The following SH2D4A variants were observed in gnomAD, a reference collection of about 807,000 sequenced individuals.
SH2D4A encodes the protein SH2 domain containing 4A, also known as SH2 domain-containing protein 4A.
SH2D4A carries 70 observed loss-of-function variants against 64.7 expected under a neutral mutation model. The ratio of observed to expected loss-of-function variants is 1.08; its 90% CI spans 0.89 to 1.32. The LOEUF (loss-of-function observed/expected upper bound fraction) is 1.32, where lower values mean the gene tolerates loss of function less well. Ranked by LOEUF, SH2D4A falls within the 40% of genes most tolerant of loss-of-function variation. The pLI is 0.00. For missense variants in SH2D4A, 706 were observed against 540.1 expected (o/e 1.31, Z -3.04); for synonymous variants, 268 against 200.7 (o/e 1.34, Z -2.83).
chr8:19,357,103 C>T (rs368120799), intron 4 of SH2D4A, 100 bp from the exon 5 acceptor site: 127 of 904,990 alleles, frequency 1.4e-4, no homozygotes, highest in South Asian at 8.5e-4. Context: ...TCTGTAGGGG[C>T]GGGGGCAGCA....
intron 1 of SH2D4A, among the ~76,000 whole-genome samples, chr8:19,315,929 G>A (rs79903815): frequency 3.9e-5 from 6 of 152,154 alleles, no homozygotes; most frequent in Admixed American, 2.0e-4. Context: ...ACCAGTCCTC[G>A]TTTCACAGAT....
intron 8 of SH2D4A, among the ~76,000 whole-genome samples, chr8:19,385,527 A>G (rs2053374215): frequency 6.6e-6 from 1 of 152,004 alleles, no homozygotes; most frequent in South Asian, 2.1e-4. Context: ...GATTTCTTCC[A>G]TTTTTTGATA....
chr8:19,358,252 C>T (rs772447804), intron 5 of SH2D4A, among the ~76,000 whole-genome samples: 25 of 152,178 alleles, frequency 1.6e-4, no homozygotes, highest in Non-Finnish European at 3.1e-4. Flanking sequence ...GTGTCTACTA[C>T]ACACTAGGCA....
chr8:19,326,420 C>T (rs1043826548), intron 2 of SH2D4A, among the ~76,000 whole-genome samples: 13 of 152,160 alleles, frequency 8.5e-5, no homozygotes, highest in African/African-American at 2.7e-4. Flanking sequence ...GGGAGTCTGC[C>T]AGCATGGTAA....
At chr8:19,385,216 T>G (rs1444611008) in intron 8 of SH2D4A, among the ~76,000 whole-genome samples, 8 of 150,960 alleles carry the variant, frequency 5.3e-5, no homozygotes, top group Non-Finnish European at 1.2e-4. Flanking sequence ...TTTTTTTGTT[T>G]TTTTTTTTTT....
At position 19,357,258 on chromosome 8, in the gene SH2D4A, GTATGAAGGCA is replaced by G. The variant is rs1563199528; in HGVS notation, c.574_583del (p.Lys192HisfsTer9). The G allele has an allele frequency of 6.2e-7, 1 of 1,613,794 alleles. No homozygotes were observed. Among genetic ancestry groups the G allele is most frequent in the South Asian group, 1.1e-5 (1 of 91,062 alleles). ...CAAATGTTGGCAGATTCAATCAATC[GTATGAAGGCA>G]TATGCATTTCACCAGGTAAAAGACT... On this transcript the variant is annotated frameshift_variant, in exon 5 of 10. Coordinates refer to ENST00000265807, the MANE Select transcript of SH2D4A (RefSeq NM_022071.4). LOFTEE classifies it high-confidence loss of function.
At chr8:19,347,881 A>G (rs2052636782) in intron 4 of SH2D4A, among the ~76,000 whole-genome samples, 1 of 152,172 alleles carries the variant, frequency 6.6e-6, no homozygotes, top group Admixed American at 6.5e-5. Flanking sequence ...CTCCACCTCC[A>G]CCACACAGGC....
chr8:19,382,277 G>T (rs1363656270), intron 8 of SH2D4A, among the ~76,000 whole-genome samples: 1 of 152,072 alleles, frequency 6.6e-6, no homozygotes, highest in Non-Finnish European at 1.5e-5. Context: ...TTGGCCAAAA[G>T]AATCAAGAAT....
At chr8:19,363,746 C>A in intron 6 of SH2D4A, 1 of 359,716 alleles carries the variant, frequency 2.8e-6, no homozygotes, top group South Asian at 2.7e-5. Flanking sequence ...AACCCATGCT[C>A]AGGCGGGGGA....
intron 8 of SH2D4A, among the ~76,000 whole-genome samples, chr8:19,380,100 G>A (rs998782768): frequency 1.3e-5 from 2 of 151,942 alleles, no homozygotes; most frequent in African/African-American, 2.4e-5. Flanking sequence ...ATGTCATTAC[G>A]GTTTTGAGTT....
intron 7 of SH2D4A, among the ~76,000 whole-genome samples, chr8:19,367,816 C>T (rs921612698): frequency 2.0e-4 from 30 of 152,150 alleles, no homozygotes; most frequent in African/African-American, 7.0e-4. Flanking sequence ...TGGCTCATAC[C>T]TATAATCCCA....
intron 4 of SH2D4A, among the ~76,000 whole-genome samples, chr8:19,335,088 C>T (rs1415517680): frequency 6.6e-6 from 1 of 152,046 alleles, no homozygotes; most frequent in Non-Finnish European, 1.5e-5. Context: ...TCGAGACCAT[C>T]CTGGCTAACA....
rs529773331 is a variant in SH2D4A at position 19,367,239 on chromosome 8, C to T, written c.917+2957C>T. Among the ~76,000 whole-genome samples the T allele has an allele frequency of 9.2e-5, 14 of 152,290 alleles. No individual in the cohort carries two copies. In the South Asian group the frequency reaches 2.7e-3, roughly 29 times the overall value. On this transcript the variant is annotated intron_variant, in intron 7 of 9. Coordinates refer to ENST00000265807, the MANE Select transcript of SH2D4A (RefSeq NM_022071.4). ...GGAGTGCAAGTATCTCTTTGACATA[C>T]TGATTTCATTTCCTTTTGACGTAGA...
chr8:19,362,532 G>A (rs1018690369), intron 6 of SH2D4A, among the ~76,000 whole-genome samples: 3 of 152,266 alleles, frequency 2.0e-5, no homozygotes, highest in East Asian at 3.9e-4. Flanking sequence ...TTCAGGTCAT[G>A]AGTTCAAGAC....
At chr8:19,332,589 T>C (rs1390110407) in intron 2 of SH2D4A, among the ~76,000 whole-genome samples, 1 of 130,296 alleles carries the variant, frequency 7.7e-6, no homozygotes, top group African/African-American at 3.0e-5. Context: ...TCCCAGCTAC[T>C]TGGGAGGCTG....
intron 4 of SH2D4A, among the ~76,000 whole-genome samples, chr8:19,355,803 T>C (rs2052782818): frequency 6.6e-6 from 1 of 152,200 alleles, no homozygotes; most frequent in African/African-American, 2.4e-5. Context: ...TTAGCATTAA[T>C]CTCACCACCT....
chr8:19,385,479 G>A (rs1019058990), intron 8 of SH2D4A, among the ~76,000 whole-genome samples: 3 of 152,104 alleles, frequency 2.0e-5, no homozygotes, highest in African/African-American at 4.8e-5. Context: ...GGGATTACAG[G>A]CCTGAGCCAC....
intron 6 of SH2D4A, among the ~76,000 whole-genome samples, chr8:19,361,819 T>C (rs533623293): frequency 6.6e-6 from 1 of 152,316 alleles, no homozygotes; most frequent in South Asian, 2.1e-4. Context: ...TTTTTTCCCC[T>C]AAATTTTTGA....
At chr8:19,391,460 G>A (rs544271632) in intron 8 of SH2D4A, among the ~76,000 whole-genome samples, 26 of 152,270 alleles carry the variant, frequency 1.7e-4, no homozygotes, top group Admixed American at 2.6e-4. Context: ...TGCATCAGTC[G>A]TCTGCTGGGA....
Sources: allele counts gnomAD v4.1 joint callset (sites outside exome capture counted in the v4.1 genomes callset), GRCh38; gene constraint gnomAD v4.1.1; transcripts MANE v1.5; gene names NCBI Gene and HGNC (gene_info 2026-07-23, HGNC 2026-07-21).